Variants in ZNF676 observed in about 807,000 individuals in gnomAD.
The protein encoded by ZNF676 is zinc finger protein 676.
ZNF676 carries 4 observed loss-of-function variants against 6.0 expected under a neutral mutation model. The observed-to-expected ratio is 0.67, with a 90% confidence interval of 0.33 to 1.53. The LOEUF is 1.53. Ranked by LOEUF, ZNF676 falls within the 40% of genes most tolerant of loss-of-function variation. The pLI is 0.06. For synonymous variants in ZNF676, 198 were observed against 223.1 expected (o/e 0.89, Z 1.00); for missense variants, 644 against 679.7 (o/e 0.95, Z 0.58).
Position 22,179,640 on chromosome 19 carries a change from T to G in ZNF676, c.*310A>C. The G allele has an allele frequency of 1.8e-6, 1 of 550,922 alleles. No homozygotes were observed. The highest frequency in any genetic ancestry group is 3.6e-5 in the East Asian group (1 of 27,854). The allele number at this position is 550,922 out of a possible 1,614,324, so 34.1% of individuals were successfully genotyped here. A position where few individuals can be genotyped will look rare whatever the true frequency, so the allele number is the denominator to read the frequency against. On this transcript the variant is annotated 3_prime_UTR_variant, in exon 3 of 3. Transcript: ENST00000397121. ...GTAGGGCTTTTCCTCCAGTATGAATTCTTTTATGAGTAGTAAGGTGTGAGG... is the reference window on the plus strand; with the variant it reads ...GTAGGGCTTTTCCTCCAGTATGAATGCTTTTATGAGTAGTAAGGTGTGAGG...
At chr19:22,246,567 A>G in the ZNF676 span, among the ~76,000 whole-genome samples, 2 of 152,172 alleles carry the variant, frequency 1.3e-5, no homozygotes, top group African/African-American at 4.8e-5. Context: ...ATATGTCACA[A>G]CTACCCTAGG....
At position 22,214,010 on chromosome 19, in the gene ZNF676, G is replaced by A. The variant is rs138497253; in HGVS notation, c.3+1622C>T. Among the ~76,000 whole-genome samples, 1,324 of 152,316 alleles carry A rather than the reference G, an allele frequency of 8.7e-3. 9 individuals are homozygous for A. The highest frequency in any genetic ancestry group is 0.01 in the Middle Eastern group (3 of 294). On this transcript the variant is annotated intron_variant, in intron 1 of 3. Coordinates refer to the ZNF676 transcript ENST00000650058. ...AAACAGAAAACAAATCTTTTTAAAT[G>A]TGCCATCAAATGCTTTGTCAAAAAA...
the ZNF676 span, among the ~76,000 whole-genome samples, chr19:22,232,025 T>A: frequency 6.6e-6 from 1 of 152,134 alleles, no homozygotes; most frequent in Admixed American, 6.6e-5. Flanking sequence ...TATAACAAAT[T>A]TGTATATCTG....
intron 2 of ZNF676, among the ~76,000 whole-genome samples, chr19:22,182,080 T>A (rs1311021765): frequency 1.3e-5 from 2 of 152,164 alleles, no homozygotes; most frequent in Non-Finnish European, 2.9e-5. Context: ...TTGAGCCTGC[T>A]GAGATCAAAG....
chr19:22,189,233 C>A (rs2023874392), intron 2 of ZNF676, among the ~76,000 whole-genome samples: 1 of 151,988 alleles, frequency 6.6e-6, no homozygotes, highest in Admixed American at 6.6e-5. Flanking sequence ...TTTGACAAAC[C>A]TGACAAAAAC....
At chr19:22,211,500 A>C (rs569591291) in intron 1 of ZNF676, among the ~76,000 whole-genome samples, 1 of 152,214 alleles carries the variant, frequency 6.6e-6, no homozygotes, top group Non-Finnish European at 1.5e-5. Flanking sequence ...TCATATAAGA[A>C]AATTTTAAGG....
chr19:22,239,965 T>C, the ZNF676 span, among the ~76,000 whole-genome samples: 10 of 152,134 alleles, frequency 6.6e-5, no homozygotes, highest in Non-Finnish European at 1.2e-4. Flanking sequence ...CTGACATAGG[T>C]CACAATTCAT....
At chr19:22,202,280 T>C (rs1252490619) in intron 1 of ZNF676, among the ~76,000 whole-genome samples, 1 of 151,996 alleles carries the variant, frequency 6.6e-6, no homozygotes, top group African/African-American at 2.4e-5. Flanking sequence ...ACACAAGTCA[T>C]TGAAAGAGGT....
At chr19:22,255,977 C>T in the ZNF676 span, among the ~76,000 whole-genome samples, 42 of 152,274 alleles carry the variant, frequency 2.8e-4, no homozygotes, top group African/African-American at 9.9e-4. Context: ...TGCAGTCTGT[C>T]CACCTGTGAG....
chr19:22,242,115 C>G, the ZNF676 span, among the ~76,000 whole-genome samples: 1 of 151,902 alleles, frequency 6.6e-6, no homozygotes, highest in Non-Finnish European at 1.5e-5. Context: ...CTACAAGAGA[C>G]AGTATCTCTC....
At chr19:22,207,893 T>C (rs1262268665) in intron 1 of ZNF676, among the ~76,000 whole-genome samples, 2 of 151,482 alleles carry the variant, frequency 1.3e-5, no homozygotes, top group African/African-American at 2.4e-5. Context: ...TAGCACTATG[T>C]AGCAGACTGA....
the ZNF676 span, among the ~76,000 whole-genome samples, chr19:22,247,767 T>G: frequency 6.6e-6 from 1 of 152,156 alleles, no homozygotes; most frequent in Non-Finnish European, 1.5e-5. Context: ...AGATTAATTT[T>G]CCCTGTGCTC....
rs1437184386 is a variant in ZNF676 at position 22,194,249 on chromosome 19, T to C, written c.35-1138A>G. ...AGAGCCTTATGCACAATATATCACA[T>C]GGCTGCAAGAGGCAGTGTGGCATCA... On this transcript the variant is annotated intron_variant, in intron 1 of 2. Coordinates refer to ENST00000397121, the MANE Select transcript of ZNF676 (RefSeq NM_001001411.3). Among the ~76,000 whole-genome samples the C allele has an allele frequency of 2.0e-5, 3 of 152,152 alleles. No homozygotes were observed. In the East Asian group the frequency reaches 5.8e-4, roughly 29 times the overall value.
the ZNF676 span, among the ~76,000 whole-genome samples, chr19:22,232,838 A>G: frequency 6.6e-5 from 10 of 152,304 alleles, no homozygotes; most frequent in South Asian, 2.1e-3. Flanking sequence ...GTTGAGATAA[A>G]TATTTTGAAG....
chr19:22,208,774 T>G lies in ZNF676; in HGVS notation c.3+6858A>C, dbSNP rs115776722. Among the ~76,000 whole-genome samples, 868 of 152,114 alleles carry G rather than the reference T, an allele frequency of 5.7e-3. 9 individuals carry two copies. The highest frequency in any genetic ancestry group is 0.019 in the African/African-American group (786 of 41,506). On this transcript the variant is annotated intron_variant, in intron 1 of 3. Transcript: ENST00000650058. ...GCATGGACAACATGGCAAAATCCCA[T>G]CTATTAAAAAGAAAAATTAGCTAGG...
upstream of ZNF676, among the ~76,000 whole-genome samples, chr19:22,218,929 GTTGTTTTGTT>G (rs201613998): frequency 2.0e-5 from 3 of 148,500 alleles, no homozygotes; most frequent in African/African-American, 7.4e-5. Context: ...TTTTGATTTT[GTTGTTTTGTT>G]TTGTTTTGTT....
intron 2 of ZNF676, among the ~76,000 whole-genome samples, chr19:22,188,788 A>T (rs2023869619): frequency 6.6e-6 from 1 of 152,118 alleles, no homozygotes; most frequent in African/African-American, 2.4e-5. Flanking sequence ...TAGGAATACA[A>T]CTTACAAGGG....
At chr19:22,215,802 C>CCA (rs1555775942), upstream of ZNF676, 4 of 688,674 alleles carry the variant, frequency 5.8e-6, no homozygotes, top group South Asian at 1.9e-5. Flanking sequence ...ACCTGTCCCC[C>CCA]CCCCCAGCTG....
At chr19:22,184,826 G>GAAAAAAAAAAA (rs144833243) in intron 2 of ZNF676, among the ~76,000 whole-genome samples, 14 of 52,690 alleles carry the variant, frequency 2.7e-4, no homozygotes, top group African/African-American at 9.5e-4. Context: ...GGGCATCTTT[G>GAAAAAAAAAAA]AAAAAAAAAA....
Sources: allele counts gnomAD v4.1 joint callset (sites outside exome capture counted in the v4.1 genomes callset), GRCh38; gene constraint gnomAD v4.1.1; transcripts MANE v1.5; gene names NCBI Gene and HGNC (gene_info 2026-07-23, HGNC 2026-07-21).